Variants in DNAJC1 observed in about 807,000 individuals in gnomAD.
DNAJC1 encodes DnaJ heat shock protein family (Hsp40) member C1.
DNAJC1 carries 58 observed loss-of-function variants against 76.6 expected under a neutral mutation model. That is an observed-to-expected ratio of 0.76 (90% CI 0.61 to 0.94). DNAJC1 has a LOEUF of 0.94. Ranked by LOEUF, DNAJC1 falls within the 40% of genes least tolerant of loss-of-function variation. DNAJC1 has a pLI of 0.00. For synonymous variants in DNAJC1, 258 were observed against 267.9 expected, an observed-to-expected ratio of 0.96 and a Z score of 0.36; for missense variants, 689 against 677.3, an observed-to-expected ratio of 1.02 and a Z score of -0.19.
chr10:21,799,352 G>A (rs551840026), intron 9 of DNAJC1, among the ~76,000 whole-genome samples: 1 of 152,076 alleles, frequency 6.6e-6, no homozygotes, highest in Non-Finnish European at 1.5e-5. Flanking sequence ...AGGCTGGAGT[G>A]CAGTGGCATG....
At chr10:21,871,269 A>G (rs1836099243) in intron 8 of DNAJC1, among the ~76,000 whole-genome samples, 1 of 151,808 alleles carries the variant, frequency 6.6e-6, no homozygotes, top group Non-Finnish European at 1.5e-5. Flanking sequence ...GGCTGCGCAC[A>G]TACTCAGGAA....
chr10:21,908,328 G>A (rs1339508308), intron 6 of DNAJC1, among the ~76,000 whole-genome samples: 8 of 132,218 alleles, frequency 6.1e-5, no homozygotes, highest in Admixed American at 8.6e-5. Context: ...AAATGAAATC[G>A]GCTGATTTTG....
chr10:21,867,523 G>A (rs752417085), intron 8 of DNAJC1, among the ~76,000 whole-genome samples: 9 of 152,036 alleles, frequency 5.9e-5, no homozygotes, highest in Non-Finnish European at 1.0e-4. Flanking sequence ...CAAGGTGATC[G>A]CGGGAGAATA....
At chr10:21,909,368 A>T (rs1270288391) in intron 6 of DNAJC1, among the ~76,000 whole-genome samples, 1 of 152,248 alleles carries the variant, frequency 6.6e-6, no homozygotes, top group Non-Finnish European at 1.5e-5. Flanking sequence ...TTATTTATTG[A>T]ACCATTATTA....
intron 1 of DNAJC1, among the ~76,000 whole-genome samples, chr10:21,949,126 A>C (rs1756352732): frequency 6.6e-6 from 1 of 152,210 alleles, no homozygotes; most frequent in Non-Finnish European, 1.5e-5. Flanking sequence ...AAACAGGAAA[A>C]AAAGTAAGAT....
intron 11 of DNAJC1, among the ~76,000 whole-genome samples, chr10:21,758,360 T>C (rs930228042): frequency 2.0e-5 from 3 of 152,172 alleles, no homozygotes; most frequent in Non-Finnish European, 2.9e-5. Flanking sequence ...CAAGAGACAC[T>C]GTGTTAGGAT....
chr10:21,795,393 A>G (rs1468587912), intron 9 of DNAJC1, among the ~76,000 whole-genome samples: 2 of 152,252 alleles, frequency 1.3e-5, no homozygotes, highest in African/African-American at 4.8e-5. Context: ...TATGTGAAAG[A>G]CTAAATACTG....
At chr10:21,963,414 C>G (rs188675211) in intron 1 of DNAJC1, among the ~76,000 whole-genome samples, 1 of 152,234 alleles carries the variant, frequency 6.6e-6, no homozygotes, top group African/African-American at 2.4e-5. Flanking sequence ...TATAAAAAGG[C>G]ATGAAAATGT....
chr10:21,997,571 G>A (rs917272478), intron 1 of DNAJC1, among the ~76,000 whole-genome samples: 3 of 152,086 alleles, frequency 2.0e-5, no homozygotes, highest in Non-Finnish European at 4.4e-5. Context: ...AACTCACACC[G>A]CCATGGTAAG....
At chr10:21,943,756 G>A (rs547655530) in intron 1 of DNAJC1, among the ~76,000 whole-genome samples, 8 of 152,246 alleles carry the variant, frequency 5.3e-5, no homozygotes, top group Admixed American at 4.6e-4. Flanking sequence ...CCTGCCCAAA[G>A]CAGGATCTCT....
At chr10:21,785,989 C>G (rs1410487961) in intron 9 of DNAJC1, among the ~76,000 whole-genome samples, 2 of 152,130 alleles carry the variant, frequency 1.3e-5, no homozygotes, top group Admixed American at 6.6e-5. Context: ...ATACTTCAGG[C>G]TCCATTTAAC....
chr10:21,852,092 TACACACACACAC>T (rs58289439), intron 8 of DNAJC1, among the ~76,000 whole-genome samples: 5,211 of 145,920 alleles, frequency 0.036, 256 homozygotes, highest in African/African-American at 0.11. Context: ...AATTGTGAGA[TACACACACACAC>T]ACACACACAC....
chr10:21,813,214 C>CTATATATA (rs1275585803), intron 8 of DNAJC1, among the ~76,000 whole-genome samples: 3 of 42,678 alleles, frequency 7.0e-5, no homozygotes, highest in Admixed American at 2.5e-4. Context: ...CTCTCTCTCT[C>CTATATATA]TCTCTCTATA....
intron 9 of DNAJC1, chr10:21,785,558 A>C (rs1041102403): frequency 1.3e-5 from 2 of 152,196 alleles, no homozygotes; most frequent in African/African-American, 4.8e-5. Context: ...AAATATAACA[A>C]AATTCTAGAG....
chr10:21,823,012 C>T (rs1049450321), intron 8 of DNAJC1, among the ~76,000 whole-genome samples: 1 of 151,612 alleles, frequency 6.6e-6, no homozygotes, highest in Non-Finnish European at 1.5e-5. Flanking sequence ...AAGAGAAGGT[C>T]TGTGTAATTT....
At chr10:21,990,723 G>C (rs1350566227) in intron 1 of DNAJC1, among the ~76,000 whole-genome samples, 1 of 152,188 alleles carries the variant, frequency 6.6e-6, no homozygotes, top group East Asian at 1.9e-4. Context: ...TCTATTGTCA[G>C]TTTTAAAATT....
rs115248286 is a variant in DNAJC1 at position 21,808,570 on chromosome 10, C to G, written c.979-2471G>C. ...AACCCTTTTAGCAATGCATTATTCT[C>G]CCTCCTACAGCTGTAAGGCACTTTG... On this transcript the variant is annotated intron_variant, in intron 8 of 11. Transcript: ENST00000376980. Among the ~76,000 whole-genome samples, 1,217 of 152,196 alleles carry G rather than the reference C, an allele frequency of 8.0e-3. 17 individuals are homozygous for G. Among genetic ancestry groups the G allele is most frequent in the African/African-American group, 0.028 (1,162 of 41,528 alleles).
intron 9 of DNAJC1, among the ~76,000 whole-genome samples, chr10:21,784,413 G>T (rs1192255119): frequency 6.6e-6 from 1 of 152,190 alleles, no homozygotes; most frequent in Non-Finnish European, 1.5e-5. Flanking sequence ...AGGTGCTGGA[G>T]AGGATGTGGA....
chr10:21,908,457 T>G (rs1305551483), intron 6 of DNAJC1, among the ~76,000 whole-genome samples: 1 of 138,292 alleles, frequency 7.2e-6, no homozygotes, highest in African/African-American at 2.8e-5. Flanking sequence ...TAAGATAAAT[T>G]GTTTTCAACC....
Sources: gnomAD v4.1 joint callset for allele counts (sites outside exome capture counted in the v4.1 genomes callset) on GRCh38, gnomAD v4.1.1 for gene constraint, MANE v1.5 for transcripts, NCBI Gene and HGNC (gene_info 2026-07-23, HGNC 2026-07-21) for gene names.